The following DHRSX variants were observed in gnomAD, a reference collection of about 807,000 sequenced individuals.
DHRSX encodes the protein polyprenol dehydrogenase.
Under a neutral mutation model 34.0 loss-of-function variants are expected in DHRSX, and 31 were observed. The ratio of observed to expected loss-of-function variants is 0.91; its 90% CI spans 0.69 to 1.23. The LOEUF is 1.23. DHRSX is among the 50% of genes most tolerant of loss of function. The probability of loss-of-function intolerance (pLI) is 0.00; values close to 1 mark genes in which losing one functional copy is unlikely to be tolerated. For synonymous variants in DHRSX, 201 were observed against 183.8 expected (o/e 1.09, Z -0.76); for missense variants, 414 against 428.1 (o/e 0.97, Z 0.29).
chrX:2,454,308 C>T (rs2044266705), intron 1 of DHRSX, among the ~76,000 whole-genome samples: 1 of 152,030 alleles, frequency 6.6e-6, no homozygotes, highest in South Asian at 2.1e-4. Context: ...GGGTGGATCA[C>T]CTGAGGTCAG....
chrX:2,468,498 C>CGGA (rs1335277523), intron 1 of DHRSX, among the ~76,000 whole-genome samples: 1 of 126,970 alleles, frequency 7.9e-6, no homozygotes, highest in Non-Finnish European at 1.7e-5. Flanking sequence ...CACGGACACT[C>CGGA]AGAAGAATGT....
intron 3 of DHRSX, among the ~76,000 whole-genome samples, chrX:2,324,761 T>C (rs2042356576): frequency 6.8e-6 from 1 of 148,072 alleles, no homozygotes; most frequent in South Asian, 2.1e-4. Flanking sequence ...GCAAGGCTTT[T>C]TTCTTTTCTT....
At chrX:2,229,049 G>C (rs1417284442) in intron 6 of DHRSX, among the ~76,000 whole-genome samples, 3 of 151,802 alleles carry the variant, frequency 2.0e-5, no homozygotes, top group Non-Finnish European at 4.4e-5. Flanking sequence ...CTCTCTGCAA[G>C]GCACGCAGAG....
At chrX:2,490,488 A>T in intron 1 of DHRSX, 1 of 1,613,810 alleles carries the variant, frequency 6.2e-7, no homozygotes, top group Non-Finnish European at 8.5e-7. Flanking sequence ...CTCTTGACGA[A>T]CTCGCAGAAT....
chrX:2,288,410 T>G (rs1290755918), intron 4 of DHRSX, among the ~76,000 whole-genome samples: 6 of 152,138 alleles, frequency 3.9e-5, no homozygotes, highest in Non-Finnish European at 8.8e-5. Flanking sequence ...TAATTTTGTA[T>G]TTTTAGTAGA....
At chrX:2,341,476 C>A (rs890000745) in intron 3 of DHRSX, among the ~76,000 whole-genome samples, 2 of 152,104 alleles carry the variant, frequency 1.3e-5, no homozygotes, top group African/African-American at 4.8e-5. Flanking sequence ...TCCGTCTCCA[C>A]GTGGCCTTCT....
intron 3 of DHRSX, among the ~76,000 whole-genome samples, chrX:2,307,796 AAT>A (rs1395438819): frequency 2.1e-5 from 3 of 143,130 alleles, no homozygotes; most frequent in Admixed American, 6.8e-5. Flanking sequence ...AAATAAAAAA[AAT>A]AAAATAAAAA....
intron 3 of DHRSX, among the ~76,000 whole-genome samples, chrX:2,313,204 A>G (rs1439840965): frequency 6.6e-6 from 1 of 151,600 alleles, no homozygotes; most frequent in African/African-American, 2.4e-5. Context: ...GGGTTTCACC[A>G]TGTTGGCCAG....
intron 1 of DHRSX, among the ~76,000 whole-genome samples, chrX:2,480,831 CATTAAA>C (rs1464847435): frequency 6.6e-6 from 1 of 151,948 alleles, no homozygotes; most frequent in Non-Finnish European, 1.5e-5. Flanking sequence ...AAATAAATTA[CATTAAA>C]ATTAAATTTT....
chrX:2,467,558 A>G (rs2044515766), intron 1 of DHRSX, among the ~76,000 whole-genome samples: 1 of 152,180 alleles, frequency 6.6e-6, no homozygotes, highest in Non-Finnish European at 1.5e-5. Flanking sequence ...GAGATGCCAA[A>G]AACCAGAACA....
intron 2 of DHRSX, among the ~76,000 whole-genome samples, chrX:2,414,997 T>C (rs763232568): frequency 6.6e-6 from 1 of 150,524 alleles, no homozygotes; most frequent in East Asian, 2.0e-4. Flanking sequence ...CATCACGACC[T>C]ACCCAACTAG....
intron 3 of DHRSX, among the ~76,000 whole-genome samples, chrX:2,361,106 C>T (rs1411380736): frequency 6.6e-6 from 1 of 152,070 alleles, no homozygotes; most frequent in East Asian, 1.9e-4. Context: ...TTTCCATACA[C>T]ATTATCATAA....
chrX:2,428,465 T>G (rs1231937475), intron 1 of DHRSX, among the ~76,000 whole-genome samples: 1 of 152,126 alleles, frequency 6.6e-6, no homozygotes, highest in Non-Finnish European at 1.5e-5. Flanking sequence ...TTCATGTCCT[T>G]TGCAGGGACA....
At chrX:2,386,785 A>C (rs1396353081) in intron 3 of DHRSX, among the ~76,000 whole-genome samples, 1 of 151,532 alleles carries the variant, frequency 6.6e-6, no homozygotes, top group African/African-American at 2.4e-5. Flanking sequence ...ATTCATGCTA[A>C]TCTGTCCTTG....
chrX:2,314,110 G>A (rs2042196463), intron 3 of DHRSX, among the ~76,000 whole-genome samples: 1 of 148,986 alleles, frequency 6.7e-6, no homozygotes, highest in Non-Finnish European at 1.5e-5. Flanking sequence ...AGACCTAAAA[G>A]GGGGCCTGGC....
At position 2,220,874 on chromosome X, in the gene DHRSX, G is replaced by C; in HGVS notation, c.*167C>G. ...GATTATCCTCCAAAATGTTTATTTG[G>C]CTTCTTGAAGTTCTGCAGAGGTTGA... On this transcript the variant is annotated 3_prime_UTR_variant, in exon 7 of 7. Coordinates refer to ENST00000334651, the MANE Select transcript of DHRSX (RefSeq NM_145177.3). 1.7e-6 allele frequency: 1 copy of C among 580,478 alleles called. No individual in the cohort carries two copies. The highest frequency in any genetic ancestry group is 3.0e-6 in the Non-Finnish European group (1 of 334,804). The allele number at this position is 580,478 out of a possible 1,614,324, so 36.0% of individuals were successfully genotyped here.
chrX:2,265,595 AGT>A (rs1346326530), intron 5 of DHRSX, among the ~76,000 whole-genome samples: 6,420 of 132,630 alleles, frequency 0.048, 646 homozygotes, highest in Non-Finnish European at 0.074. Flanking sequence ...CCAGAGCACC[AGT>A]GTACAGCAGA....
intron 1 of DHRSX, among the ~76,000 whole-genome samples, chrX:2,482,646 AAC>A (rs2044792046): frequency 6.6e-6 from 1 of 152,194 alleles, no homozygotes; most frequent in Non-Finnish European, 1.5e-5. Context: ...GAAGCAAACC[AAC>A]ACCTTTTAAA....
At chrX:2,232,698 G>A (rs777894594) in intron 6 of DHRSX, among the ~76,000 whole-genome samples, 26 of 152,018 alleles carry the variant, frequency 1.7e-4, no homozygotes, top group African/African-American at 5.1e-4. Context: ...TCAGCCTCCC[G>A]AGTAGCTGGG....
Sources: allele counts gnomAD v4.1 joint callset (sites outside exome capture counted in the v4.1 genomes callset), GRCh38; gene constraint gnomAD v4.1.1; transcripts MANE v1.5; gene names NCBI Gene and HGNC (gene_info 2026-07-23, HGNC 2026-07-21).